The following C17orf78 variants were observed in gnomAD, a reference collection of about 807,000 sequenced individuals.
The protein encoded by C17orf78 is chromosome 17 open reading frame 78.
In C17orf78, 27 loss-of-function variants were observed where a neutral mutation model predicts 31.8. The ratio of observed to expected loss-of-function variants is 0.85; its 90% CI spans 0.63 to 1.17. The LOEUF (loss-of-function observed/expected upper bound fraction) is 1.17, where lower values mean the gene tolerates loss of function less well. Among genes scored for constraint, C17orf78 ranks in the 50% most tolerant of loss-of-function variants. The pLI is 0.00. For synonymous variants in C17orf78, 106 were observed against 115.1 expected, an observed-to-expected ratio of 0.92 and a Z score of 0.51; for missense variants, 258 against 315.2, an observed-to-expected ratio of 0.82 and a Z score of 1.37.
At chr17:37,376,350 G>C (rs1343848518) in intron 1 of C17orf78, among the ~76,000 whole-genome samples, 200 bp downstream of exon 1, 4 of 152,184 alleles carry the variant, frequency 2.6e-5, no homozygotes, top group Non-Finnish European at 5.9e-5. Flanking sequence ...TTCATGATGA[G>C]AGGTCTTCAG....
chr17:37,386,073 T>G lies in C17orf78; in HGVS notation c.456T>G (p.Thr152=). The change falls in exon 4 of 7, where the codon ACT becomes ACG. Residue 152 remains threonine, a synonymous_variant. Coordinates refer to ENST00000615133, the MANE Select transcript of C17orf78 (RefSeq NM_173625.5). The part of the protein sequence containing the change: ...LGASSETFPT[T]APSITPGNKE... ...CTTCATCAGAGACTTTTCCCACCACTGCCCCTTCTATAACTCCTGGGAATA... is the reference window on the plus strand; with the variant it reads ...CTTCATCAGAGACTTTTCCCACCACGGCCCCTTCTATAACTCCTGGGAATA... The G allele has an allele frequency of 6.2e-7, 1 of 1,604,242 alleles. No homozygotes were observed. The highest frequency in any genetic ancestry group is 1.1e-5 in the South Asian group (1 of 89,750).
chr17:37,378,649 G>T (rs9889482), intron 2 of C17orf78, among the ~76,000 whole-genome samples: 4,140 of 152,298 alleles, frequency 0.027, 118 homozygotes, highest in East Asian at 0.062. Context: ...AGAGGCGGAG[G>T]TTGCAGTGAG....
At chr17:37,383,018 T>C (rs571472695) in intron 3 of C17orf78, among the ~76,000 whole-genome samples, 12 of 152,206 alleles carry the variant, frequency 7.9e-5, no homozygotes, top group Non-Finnish European at 1.8e-4. Context: ...GTCTGGGCAA[T>C]AGAGCGAGAC....
At chr17:37,380,904 T>TCTATATTCTACTAGCCCCC (rs1568079850) in intron 3 of C17orf78, among the ~76,000 whole-genome samples, 8 of 151,676 alleles carry the variant, frequency 5.3e-5, no homozygotes, top group African/African-American at 1.7e-4. Context: ...CCAGGTTTTT[T>TCTATATTCTACTAGCCCCC]TTTTTTTTAA....
At chr17:37,386,756 A>G (rs922833946) in intron 4 of C17orf78, 1 of 152,228 alleles carries the variant, frequency 6.6e-6, no homozygotes, top group African/African-American at 2.4e-5. Flanking sequence ...CACTGTATGT[A>G]TAGATGGACA....
rs370967445 is a variant in C17orf78, at chr17:37,376,153, A to G, written c.58+3A>G. On this transcript the variant is annotated splice_donor_region_variant and intron_variant, in intron 1 of 6. Coordinates refer to ENST00000615133, the MANE Select transcript of C17orf78 (RefSeq NM_173625.5). ...ATCCTATGATGCCAACAAGAAAGGT[A>G]TGTAATTCTCTAGCCTAATCTCCTG... 273 of 1,608,172 alleles carry G rather than the reference A, an allele frequency of 1.7e-4. No individual in the cohort carries two copies. The highest frequency in any genetic ancestry group is 2.1e-4 in the Non-Finnish European group (252 of 1,174,692).
At chr17:37,377,061 A>G (rs2050033657) in intron 1 of C17orf78, among the ~76,000 whole-genome samples, 1 of 152,224 alleles carries the variant, frequency 6.6e-6, no homozygotes, top group Non-Finnish European at 1.5e-5. Context: ...AAATGTCACA[A>G]CCCTTTGAAT....
rs1246073237 is a variant in C17orf78 at position 37,386,022 on chromosome 17, G to A, written c.405G>A (p.Gly135=). The A allele has an allele frequency of 3.1e-6, 5 of 1,589,872 alleles. No individual in the cohort carries two copies. In the African/African-American group the frequency reaches 6.7e-5, roughly 21 times the overall value. Residue 135 remains glycine (G), a synonymous_variant, in exon 4 of 7, where the codon GGG becomes GGA. Coordinates refer to ENST00000615133, the MANE Select transcript of C17orf78 (RefSeq NM_173625.5). The part of the protein sequence containing the change: ...SLLKGKAFLP[G]ISQCKVLGAS... ...TTTGTTTTATAGCTTTTTTACCAGGGATCTCACAATGTAAAGTCCTGGGGG... is the reference window on the plus strand; with the variant it reads ...TTTGTTTTATAGCTTTTTTACCAGGAATCTCACAATGTAAAGTCCTGGGGG...
chr17:37,377,936 T>C lies in C17orf78; in HGVS notation c.116T>C (p.Val39Ala). The part of the protein sequence containing the change: ...EQLPGIFPKD[V>A]RSIRELQMQE... ...CTGCCTGGGATCTTCCCAAAAGACG[T>C]GAGAAGCATCAGAGAATTGCAAATG... Residue 39 changes from valine to alanine, a missense_variant, in exon 2 of 7, where the codon GTG (valine) becomes GCG (alanine). Transcript: ENST00000615133. The C allele has an allele frequency of 1.2e-6, 2 of 1,612,750 alleles. No homozygotes were observed. Among genetic ancestry groups the C allele is most frequent in the South Asian group, 1.1e-5 (1 of 91,006 alleles).
intron 3 of C17orf78, among the ~76,000 whole-genome samples, chr17:37,383,646 C>A (rs1284392429): frequency 7.9e-5 from 12 of 152,222 alleles, no homozygotes; most frequent in Non-Finnish European, 1.6e-4. Flanking sequence ...CTCCCAGGTT[C>A]AAGCAATTCT....
chr17:37,386,034 T>A lies in C17orf78; in HGVS notation c.417T>A (p.Cys139Ter). ...CTTTTTTACCAGGGATCTCACAATG[T>A]AAAGTCCTGGGGGCTTCATCAGAGA... The part of the protein sequence containing the change: ...GKAFLPGISQ[C>*]KVLGASSETF... Residue 139 changes from cysteine (C) to a stop codon, truncating the protein, a stop_gained, in exon 4 of 7, where the codon TGT becomes TGA. Coordinates refer to ENST00000615133, the MANE Select transcript of C17orf78 (RefSeq NM_173625.5). LOFTEE classifies it high-confidence loss of function. 6.2e-7 allele frequency: 1 copy of A among 1,600,662 alleles called. No individual in the cohort carries two copies. The highest frequency in any genetic ancestry group is 8.5e-7 in the Non-Finnish European group (1 of 1,170,494).
intron 3 of C17orf78, among the ~76,000 whole-genome samples, chr17:37,384,560 A>G (rs1162733871): frequency 6.7e-6 from 1 of 150,338 alleles, no homozygotes; most frequent in African/African-American, 2.4e-5. Flanking sequence ...CATCTTACAG[A>G]TTAAAAAAAA....
At position 37,391,832 on chromosome 17, in the gene C17orf78, C is replaced by A. The variant is rs934795983; in HGVS notation, c.*108C>A. The A allele has an allele frequency of 1.0e-6, 1 of 985,176 alleles. No homozygotes were observed. The highest frequency in any genetic ancestry group is 1.6e-6 in the Non-Finnish European group (1 of 628,726). 61.0% of individuals were successfully genotyped at this position (985,176 alleles called of 1,614,324 possible). ...ACTTGTATCTTCAGCAGGGACATTA[C>A]AATCAAACACCAATTCCTGGTTAAT... On this transcript the variant is annotated 3_prime_UTR_variant, in exon 7 of 7. Coordinates refer to ENST00000615133, the MANE Select transcript of C17orf78 (RefSeq NM_173625.5).
intron 6 of C17orf78, among the ~76,000 whole-genome samples, chr17:37,390,302 A>AATTTTATATATATATAT (rs1568095743): frequency 0.085 from 3,330 of 39,262 alleles, 438 homozygotes; most frequent in Non-Finnish European, 0.1. Context: ...TATTATACAT[A>AATTTTATATATATATAT]ATTATATATA....
At chr17:37,378,494 C>T (rs926894064) in intron 2 of C17orf78, among the ~76,000 whole-genome samples, 1 of 152,164 alleles carries the variant, frequency 6.6e-6, no homozygotes, top group Non-Finnish European at 1.5e-5. Context: ...AGGTGGATCA[C>T]TTGAGCTTAC....
At chr17:37,384,160 A>G (rs550323211) in intron 3 of C17orf78, among the ~76,000 whole-genome samples, 2 of 152,204 alleles carry the variant, frequency 1.3e-5, no homozygotes, top group Non-Finnish European at 2.9e-5. Flanking sequence ...GACAGTCTGC[A>G]TAGGAGGATG....
In C17orf78 at chr17:37,379,124, C is replaced by A; in HGVS notation, c.146-13C>A. ...ACCAGCTCCATTTTTCTATCTGGTT[C>A]TTCTCCTTCCAGAAACTCACACAGA... is the stretch of plus-strand genomic sequence containing the variant. On this transcript the variant is annotated splice_polypyrimidine_tract_variant and intron_variant, in intron 2 of 6. Coordinates refer to ENST00000615133, the MANE Select transcript of C17orf78 (RefSeq NM_173625.5). 1 of 1,608,304 alleles carries A rather than the reference C, an allele frequency of 6.2e-7. No homozygotes were observed. Among genetic ancestry groups the A allele is most frequent in the East Asian group, 2.2e-5 (1 of 44,822 alleles).
chr17:37,385,095 G>A (rs368545285), intron 3 of C17orf78, among the ~76,000 whole-genome samples: 2 of 152,024 alleles, frequency 1.3e-5, no homozygotes, highest in East Asian at 3.8e-4. Flanking sequence ...CTGGACTTTT[G>A]CAATGGCCTC....
rs1347673316 is a variant in C17orf78 at position 37,392,037 on chromosome 17, A to G, written c.*313A>G. ...TACTACTCTCTTTGACAGAAGACTCAAACACAGCCTCTAAGAAACAAGGCA... is the reference window on the plus strand; with the variant it reads ...TACTACTCTCTTTGACAGAAGACTCGAACACAGCCTCTAAGAAACAAGGCA... On this transcript the variant is annotated 3_prime_UTR_variant, in exon 7 of 7. Coordinates refer to ENST00000615133, the MANE Select transcript of C17orf78 (RefSeq NM_173625.5). 1 of 299,844 alleles carries G rather than the reference A, an allele frequency of 3.3e-6. No individual in the cohort carries two copies. The highest frequency in any genetic ancestry group is 6.2e-6 in the Non-Finnish European group (1 of 160,464). The allele number at this position is 299,844 out of a possible 1,614,324, so 18.6% of individuals were successfully genotyped here.
Sources: gnomAD v4.1 joint callset for allele counts (sites outside exome capture counted in the v4.1 genomes callset) on GRCh38, gnomAD v4.1.1 for gene constraint, MANE v1.5 for transcripts, NCBI Gene and HGNC (gene_info 2026-07-23, HGNC 2026-07-21) for gene names.